Variants in ATF7 observed in about 807,000 individuals in gnomAD.
The protein encoded by ATF7 is activating transcription factor 7, also known as cyclic AMP-dependent transcription factor ATF-7.
A neutral mutation model predicts 50.4 loss-of-function variants in ATF7; 10 were observed. The ratio of observed to expected loss-of-function variants is 0.20; its 90% CI spans 0.12 to 0.34. ATF7 has a LOEUF of 0.34. Ranked by LOEUF, ATF7 falls within the 10% of genes least tolerant of loss-of-function variation. The probability of loss-of-function intolerance (pLI) is 1.00; values close to 1 mark genes in which losing one functional copy is unlikely to be tolerated. For missense variants in ATF7, 465 were observed against 613.9 expected (o/e 0.76, Z 2.56); for synonymous variants, 201 against 226.4 (o/e 0.89, Z 1.01).
chr12:53,611,452 A>AAAACAAAC (rs76059775), intron 1 of ATF7, among the ~76,000 whole-genome samples: 7 of 151,644 alleles, frequency 4.6e-5, no homozygotes, highest in African/African-American at 1.5e-4. Flanking sequence ...ACTCTATCGC[A>AAAACAAAC]AAACAAACAA....
chr12:53,615,121 C>T (rs917197903), intron 1 of ATF7, among the ~76,000 whole-genome samples: 2 of 151,542 alleles, frequency 1.3e-5, no homozygotes, highest in African/African-American at 4.9e-5. Flanking sequence ...CGGTGGCTCA[C>T]GCCTGTAATC....
At chr12:53,576,208 C>A (rs1436098009) in intron 2 of ATF7, 2 of 152,220 alleles carry the variant, frequency 1.3e-5, no homozygotes, top group African/African-American at 4.8e-5. Flanking sequence ...CTGAACTTGG[C>A]CCAAGTTATT....
chr12:53,623,638 T>G (rs564146095), intron 1 of ATF7, among the ~76,000 whole-genome samples: 1 of 152,316 alleles, frequency 6.6e-6, no homozygotes, highest in South Asian at 2.1e-4. Context: ...AAAACTTCCT[T>G]GCAAGGAGAA....
chr12:53,529,734 C>CACACACACACACACACACACATAT (rs1298379846), intron 9 of ATF7, among the ~76,000 whole-genome samples: 36 of 143,464 alleles, frequency 2.5e-4, no homozygotes, highest in African/African-American at 5.2e-4. Context: ...CACACACACA[C>CACACACACACACACACACACATAT]ATATATATAT....
chr12:53,590,437 C>T (rs1179446166), intron 2 of ATF7, among the ~76,000 whole-genome samples: 1 of 152,180 alleles, frequency 6.6e-6, no homozygotes, highest in Non-Finnish European at 1.5e-5. Context: ...GAGAATGAGA[C>T]TTTATTGTCC....
Position 53,524,498 on chromosome 12 carries a change from T to G in ATF7, c.1125+66A>C. The G allele has an allele frequency of 6.4e-7, 1 of 1,566,850 alleles. No individual in the cohort carries two copies. Among genetic ancestry groups the G allele is most frequent in the Non-Finnish European group, 8.7e-7 (1 of 1,146,564 alleles). On this transcript the variant is annotated intron_variant, in intron 10 of 11. Coordinates refer to ENST00000420353, the MANE Select transcript of ATF7 (RefSeq NM_006856.3). The surrounding 1 kb of genome is among the most constrained non-coding windows in gnomAD (Gnocchi z 4.6). ...CCATCTTCTATCAAATTGTACCACTTTTTTCTGATTCCATCCCACTTTCTG... is the reference window on the plus strand; with the variant it reads ...CCATCTTCTATCAAATTGTACCACTGTTTTCTGATTCCATCCCACTTTCTG...
At chr12:53,552,783 A>T in intron 2 of ATF7, 146 bp from the exon 3 acceptor site, 2 of 659,988 alleles carry the variant, frequency 3.0e-6, no homozygotes, top group Non-Finnish European at 5.3e-6. Flanking sequence ...GGAAGAGGAG[A>T]AGAGATGGAG....
At chr12:53,521,874 T>A (rs1462520065) in intron 11 of ATF7, among the ~76,000 whole-genome samples, 1 of 152,212 alleles carries the variant, frequency 6.6e-6, no homozygotes, top group Non-Finnish European at 1.5e-5. Flanking sequence ...CATATTAAAA[T>A]TAAAATTTAA....
rs1368550628 is a variant in ATF7, at chr12:53,513,868, G to A, written c.*3269C>T. ...TCTACCAGGATGGGTGGTGCTAGAG[G>A]GCAGTGAATCAAGAAAGGAGCCAAA... On this transcript the variant is annotated 3_prime_UTR_variant, in exon 12 of 12. Transcript: ENST00000420353. The A allele has an allele frequency of 6.6e-6, 1 of 152,162 alleles. No homozygotes were observed. The highest frequency in any genetic ancestry group is 2.4e-5 in the African/African-American group (1 of 41,372). The allele number at this position is 152,162 out of a possible 1,614,324, so 9.4% of individuals were successfully genotyped here.
chr12:53,526,182 T>C (rs1252951651), intron 9 of ATF7, among the ~76,000 whole-genome samples: 1 of 146,422 alleles, frequency 6.8e-6, no homozygotes, highest in Non-Finnish European at 1.5e-5. Context: ...CACTCCAGCC[T>C]GGATAACAAG....
chr12:53,554,959 C>T (rs376615338), intron 2 of ATF7, among the ~76,000 whole-genome samples: 1 of 147,192 alleles, frequency 6.8e-6, no homozygotes, highest in Non-Finnish European at 1.5e-5. Context: ...AAAATTTAAC[C>T]AAGAACTTTA....
At chr12:53,623,919 G>A (rs1451100181) in intron 1 of ATF7, among the ~76,000 whole-genome samples, 1 of 152,154 alleles carries the variant, frequency 6.6e-6, no homozygotes, top group Non-Finnish European at 1.5e-5. Context: ...TAAAACCGTG[G>A]TAAACAAACG....
At chr12:53,558,286 TA>T (rs1415871688) in intron 2 of ATF7, among the ~76,000 whole-genome samples, 2 of 152,186 alleles carry the variant, frequency 1.3e-5, no homozygotes, top group African/African-American at 4.8e-5. Flanking sequence ...GAGATGCTGA[TA>T]AATATTGTAT....
At chr12:53,542,018 C>T (rs566339886) in intron 4 of ATF7, among the ~76,000 whole-genome samples, 17 of 151,414 alleles carry the variant, frequency 1.1e-4, no homozygotes, top group African/African-American at 3.1e-4. Context: ...GATGGGGTTT[C>T]GCCATGTTGG....
At chr12:53,590,736 A>AT (rs933719743) in intron 2 of ATF7, among the ~76,000 whole-genome samples, 1 of 152,004 alleles carries the variant, frequency 6.6e-6, no homozygotes, top group Admixed American at 6.6e-5. Context: ...TCCTCTCCCC[A>AT]TTTTTTTCCA....
chr12:53,539,504 T>C (rs1202261296), intron 4 of ATF7, among the ~76,000 whole-genome samples: 1 of 151,196 alleles, frequency 6.6e-6, no homozygotes, highest in Non-Finnish European at 1.5e-5. Context: ...GACCAGCCTG[T>C]GCAACATAGT....
chr12:53,619,037 G>A (rs1477055640), intron 1 of ATF7, among the ~76,000 whole-genome samples: 2 of 146,608 alleles, frequency 1.4e-5, no homozygotes, highest in Non-Finnish European at 1.5e-5. Context: ...GGCTGACATA[G>A]CAAGACTCTG....
intron 2 of ATF7, among the ~76,000 whole-genome samples, chr12:53,564,733 G>A (rs561721562): frequency 2.0e-3 from 297 of 152,278 alleles, no homozygotes; most frequent in Non-Finnish European, 2.7e-3. Context: ...GGTCTTCATC[G>A]TTATGATCTG....
rs1240371139 is a variant in ATF7, at chr12:53,600,893, A to G, written c.48+60T>C. The G allele has an allele frequency of 3.2e-6, 5 of 1,552,770 alleles. No homozygotes were observed. The African/African-American group carries it at 4.1e-5, about 13-fold the overall frequency. ...TGGCTTTAAACTCTTTGCCTTAGTGATAAAACAGCCACTTTGATTCACAAC... is the reference window on the plus strand; with the variant it reads ...TGGCTTTAAACTCTTTGCCTTAGTGGTAAAACAGCCACTTTGATTCACAAC... On this transcript the variant is annotated intron_variant, in intron 2 of 11. Transcript: ENST00000420353.
Sources: gnomAD v4.1 joint callset for allele counts (sites outside exome capture counted in the v4.1 genomes callset) on GRCh38, gnomAD v4.1.1 for gene constraint, Gnocchi (gnomAD v3.1) non-coding constraint, MANE v1.5 for transcripts, NCBI Gene and HGNC (gene_info 2026-07-23, HGNC 2026-07-21) for gene names.